The following CSMD1 variants were observed in gnomAD, a reference collection of about 807,000 sequenced individuals.
CSMD1 encodes CUB and sushi domain-containing protein 1.
Under a neutral mutation model 417.5 loss-of-function variants are expected in CSMD1, and 213 were observed. The observed-to-expected ratio is 0.51, with a 90% CI of 0.46 to 0.57. The LOEUF (loss-of-function observed/expected upper bound fraction) is 0.57. Ranked by LOEUF, CSMD1 falls within the 20% of genes least tolerant of loss-of-function variation. The pLI, the probability that CSMD1 is intolerant of heterozygous loss-of-function variation, is 0.00. For missense variants in CSMD1, 6,923 were observed against 4,529.7 expected, an observed-to-expected ratio of 1.53 and a Z score of -15.17; for synonymous variants, 2,862 against 1,736.8, an observed-to-expected ratio of 1.65 and a Z score of -16.11.
At chr8:4,794,765 T>C (rs185033321) in intron 1 of CSMD1, among the ~76,000 whole-genome samples, 29 of 152,314 alleles carry the variant, frequency 1.9e-4, no homozygotes, top group African/African-American at 6.5e-4. Context: ...TTGAATTCCA[T>C]GCCCAAATTC....
At chr8:4,524,104 A>G (rs1039163011) in intron 2 of CSMD1, among the ~76,000 whole-genome samples, 2 of 152,162 alleles carry the variant, frequency 1.3e-5, no homozygotes, top group Non-Finnish European at 2.9e-5. Flanking sequence ...GTCCCAAGAA[A>G]AAACTCCCCA....
chr8:4,294,901 C>T (rs527542088), intron 3 of CSMD1, among the ~76,000 whole-genome samples: 91 of 151,742 alleles, frequency 6.0e-4, no homozygotes, highest in African/African-American at 2.1e-3. Flanking sequence ...GTGTATGGAA[C>T]GAAAGCCTCA....
At chr8:4,085,973 T>C (rs1800397534) in intron 3 of CSMD1, among the ~76,000 whole-genome samples, 1 of 152,124 alleles carries the variant, frequency 6.6e-6, no homozygotes, top group African/African-American at 2.4e-5. Flanking sequence ...TACAATTACC[T>C]TGAAATAAAA....
chr8:3,648,883 T>C (rs577726609), intron 7 of CSMD1, among the ~76,000 whole-genome samples: 9 of 152,342 alleles, frequency 5.9e-5, no homozygotes, highest in African/African-American at 1.7e-4. Flanking sequence ...CAGTTTCTGG[T>C]AGCTAGTGTT....
chr8:4,481,793 T>A (rs908307011), intron 2 of CSMD1, among the ~76,000 whole-genome samples: 3 of 152,140 alleles, frequency 2.0e-5, no homozygotes, highest in African/African-American at 7.2e-5. Flanking sequence ...TGTGAGCACA[T>A]AATGGGATTA....
At chr8:3,481,677 G>A (rs562835929) in intron 11 of CSMD1, among the ~76,000 whole-genome samples, 55 of 152,314 alleles carry the variant, frequency 3.6e-4, no homozygotes, top group African/African-American at 1.3e-3. Context: ...TAAGAGAGAG[G>A]CAGAGGGAGA....
intron 21 of CSMD1, among the ~76,000 whole-genome samples, chr8:3,349,772 T>C (rs1563298542): frequency 7.2e-6 from 1 of 139,838 alleles, no homozygotes; most frequent in South Asian, 2.3e-4. Flanking sequence ...ATAAAATAGA[T>C]ATAAGTCTAA....
At chr8:4,403,716 C>G (rs1405438604) in intron 3 of CSMD1, among the ~76,000 whole-genome samples, 2 of 152,156 alleles carry the variant, frequency 1.3e-5, no homozygotes, top group Non-Finnish European at 2.9e-5. Context: ...TCATGTCACT[C>G]TCTTCTTGCC....
chr8:3,385,441 T>G (rs1810949771), intron 18 of CSMD1, among the ~76,000 whole-genome samples: 1 of 151,790 alleles, frequency 6.6e-6, no homozygotes, highest in Non-Finnish European at 1.5e-5. Flanking sequence ...AGCCACCTAC[T>G]GAACTGATTG....
At chr8:2,944,730 C>G (rs1244104537) in intron 68 of CSMD1, among the ~76,000 whole-genome samples, 1 of 151,998 alleles carries the variant, frequency 6.6e-6, no homozygotes, top group Non-Finnish European at 1.5e-5. Flanking sequence ...ATTTCAGCAC[C>G]CAAATATCTT....
intron 18 of CSMD1, among the ~76,000 whole-genome samples, chr8:3,382,205 G>A (rs569558917): frequency 6.6e-6 from 1 of 151,906 alleles, no homozygotes; most frequent in African/African-American, 2.4e-5. Context: ...GTTTTAGTGA[G>A]CCGAGATCCT....
At chr8:3,753,329 A>G (rs928205501) in intron 6 of CSMD1, among the ~76,000 whole-genome samples, 1 of 152,240 alleles carries the variant, frequency 6.6e-6, no homozygotes, top group Admixed American at 6.5e-5. Flanking sequence ...TATTAGAAAC[A>G]TACAGGAAAT....
intron 3 of CSMD1, among the ~76,000 whole-genome samples, chr8:4,092,182 T>C (rs569889155): frequency 2.6e-5 from 4 of 152,300 alleles, no homozygotes; most frequent in African/African-American, 4.8e-5. Flanking sequence ...TCAAAATCCA[T>C]TGAAATTAAT....
intron 18 of CSMD1, among the ~76,000 whole-genome samples, chr8:3,378,461 G>A (rs1810446074): frequency 6.6e-6 from 1 of 152,026 alleles, no homozygotes; most frequent in Admixed American, 6.6e-5. Context: ...AAAATTTCAG[G>A]CCAATATCCC....
chr8:4,303,195 G>A (rs961877492), intron 3 of CSMD1, among the ~76,000 whole-genome samples: 2 of 152,008 alleles, frequency 1.3e-5, no homozygotes, highest in Non-Finnish European at 1.5e-5. Flanking sequence ...GCTTGCAACT[G>A]AGAATAACAT....
At chr8:4,894,004 G>T (rs1034421470) in intron 1 of CSMD1, among the ~76,000 whole-genome samples, 3 of 151,930 alleles carry the variant, frequency 2.0e-5, no homozygotes, top group Admixed American at 6.6e-5. Flanking sequence ...CATCTGTTAT[G>T]TATAGATACC....
At chr8:3,643,964 A>G (rs1187855077) in intron 7 of CSMD1, among the ~76,000 whole-genome samples, 2 of 152,208 alleles carry the variant, frequency 1.3e-5, no homozygotes, top group Non-Finnish European at 2.9e-5. Flanking sequence ...TAGATAGGAC[A>G]ATTCTAACAG....
chr8:4,571,352 C>T lies in CSMD1; in HGVS notation c.302+65990G>A, dbSNP rs147071465. ...TTCTGGTACATTGTGTCTTTGTTCTCACTGGTTTCAAAGAACTTATTTATT... is the reference window on the plus strand; with the variant it reads ...TTCTGGTACATTGTGTCTTTGTTCTTACTGGTTTCAAAGAACTTATTTATT... On this transcript the variant is annotated intron_variant, in intron 2 of 69. Coordinates refer to ENST00000635120, the MANE Select transcript of CSMD1 (RefSeq NM_033225.6). 3.6e-3 allele frequency among the ~76,000 whole-genome samples: 545 copies of T among 152,292 alleles called. 3 individuals are homozygous for T. The highest frequency in any genetic ancestry group is 0.012 in the African/African-American group (510 of 41,570).
intron 15 of CSMD1, 91 bp from the exon 16 acceptor site, chr8:3,399,620 T>G (rs945658844): frequency 2.1e-6 from 2 of 960,312 alleles, no homozygotes; most frequent in South Asian, 2.2e-5. Context: ...TCTGCTTCTG[T>G]GTTCATAGAC....
Sources: gnomAD v4.1 joint callset for allele counts (sites outside exome capture counted in the v4.1 genomes callset) on GRCh38, gnomAD v4.1.1 for gene constraint, MANE v1.5 for transcripts, NCBI Gene and HGNC (gene_info 2026-07-23, HGNC 2026-07-21) for gene names.